Variants in FBXL13 observed in about 807,000 individuals in gnomAD.
The protein encoded by FBXL13 is F-box and leucine-rich repeat protein 13.
FBXL13 carries 67 observed loss-of-function variants against 83.6 expected under a neutral mutation model. The ratio of observed to expected loss-of-function variants is 0.80; its 90% CI spans 0.66 to 0.98. FBXL13 has a LOEUF of 0.98. Ranked by LOEUF, FBXL13 falls within the 50% of genes least tolerant of loss-of-function variation. The probability of loss-of-function intolerance (pLI) is 0.00; values close to 1 mark genes in which losing one functional copy is unlikely to be tolerated. For missense variants in FBXL13, 822 were observed against 866.5 expected, an observed-to-expected ratio of 0.95 and a Z score of 0.64; for synonymous variants, 272 against 299.5, an observed-to-expected ratio of 0.91 and a Z score of 0.95.
intron 8 of FBXL13, among the ~76,000 whole-genome samples, chr7:102,937,277 G>T (rs1319738477): frequency 2.1e-4 from 32 of 151,154 alleles, no homozygotes; most frequent in Admixed American, 2.1e-3. Flanking sequence ...AGGCAGGTGG[G>T]ACACTTGAGG....
At chr7:102,891,508 T>C (rs1187933572) in intron 11 of FBXL13, among the ~76,000 whole-genome samples, 1 of 152,232 alleles carries the variant, frequency 6.6e-6, no homozygotes, top group African/African-American at 2.4e-5. Flanking sequence ...TACAGCACAG[T>C]GCCTGGTGCA....
At chr7:102,974,832 TCATCTTCCCAGTCGC>T (rs1827235440) in intron 6 of FBXL13, among the ~76,000 whole-genome samples, 1 of 152,012 alleles carries the variant, frequency 6.6e-6, no homozygotes, top group Non-Finnish European at 1.5e-5. Context: ...TTCTCAGCCT[TCATCTTCCCAGTCGC>T]CATCTTCCCA....
intron 6 of FBXL13, among the ~76,000 whole-genome samples, chr7:103,012,119 T>C (rs765012484): frequency 6.6e-6 from 1 of 152,130 alleles, no homozygotes; most frequent in Non-Finnish European, 1.5e-5. Flanking sequence ...CTCACGCCTG[T>C]AATCCCAGCA....
At chr7:102,980,568 G>A (rs1828071020) in intron 6 of FBXL13, among the ~76,000 whole-genome samples, 2 of 152,184 alleles carry the variant, frequency 1.3e-5, no homozygotes, top group Admixed American at 1.3e-4. Flanking sequence ...ACGAGGTCAG[G>A]AGATTGAGAC....
intron 17 of FBXL13, among the ~76,000 whole-genome samples, chr7:102,854,413 C>T (rs1805728931): frequency 6.6e-6 from 1 of 152,092 alleles, no homozygotes; most frequent in South Asian, 2.1e-4. Flanking sequence ...GGAGATATAC[C>T]TAATGCTAGA....
intron 5 of FBXL13, among the ~76,000 whole-genome samples, chr7:103,027,186 C>G (rs1794019937): frequency 6.6e-6 from 1 of 152,016 alleles, no homozygotes; most frequent in Non-Finnish European, 1.5e-5. Flanking sequence ...ATTCCAGCTA[C>G]TCAGGAGGCT....
At chr7:102,889,390 C>A (rs1434304260) in intron 11 of FBXL13, among the ~76,000 whole-genome samples, 1 of 152,120 alleles carries the variant, frequency 6.6e-6, no homozygotes, top group East Asian at 1.9e-4. Flanking sequence ...GGTTTGAGAA[C>A]TGTTTTTTGT....
intron 16 of FBXL13, among the ~76,000 whole-genome samples, chr7:102,857,924 T>C (rs1176932977): frequency 6.6e-6 from 1 of 152,150 alleles, no homozygotes; most frequent in Non-Finnish European, 1.5e-5. Flanking sequence ...AGAACTATCA[T>C]ATGATCCAGC....
chr7:102,937,471 C>T (rs1411846478), intron 8 of FBXL13, among the ~76,000 whole-genome samples: 1 of 146,300 alleles, frequency 6.8e-6, no homozygotes, highest in East Asian at 2.0e-4. Context: ...CACGCCACTG[C>T]ACTCCAGCCT....
chr7:103,074,776 A>C (rs1238500373), upstream of FBXL13: 2 of 1,289,300 alleles, frequency 1.6e-6, no homozygotes, highest in Non-Finnish European at 2.0e-6. Flanking sequence ...GCCATGGCCC[A>C]AGGCCTGACG....
At chr7:102,941,570 C>G (rs182328379) in intron 8 of FBXL13, among the ~76,000 whole-genome samples, 1 of 152,106 alleles carries the variant, frequency 6.6e-6, no homozygotes, top group Non-Finnish European at 1.5e-5. Context: ...GATAAATAGA[C>G]TCTGTCTAGG....
rs559481355 is a variant in FBXL13, at chr7:102,894,194, T to A, written c.1009-9882A>T. On this transcript the variant is annotated intron_variant, in intron 11 of 19. Coordinates refer to ENST00000313221, the Ensembl canonical transcript of FBXL13. ...AGACCTTCCATGATCTCTGCTTCTC[T>A]GAAAGGAGAAGGTTGGAATTTATGT... is the stretch of plus-strand genomic sequence containing the variant. Among the ~76,000 whole-genome samples, 11 of 152,264 alleles carry A rather than the reference T, an allele frequency of 7.2e-5. No individual in the cohort carries two copies. The South Asian group carries it at 2.3e-3, about 32-fold the overall frequency.
intron 8 of FBXL13, among the ~76,000 whole-genome samples, 169 bp from the exon 10 acceptor site, chr7:102,932,102 G>T (rs570477755): frequency 5.7e-4 from 86 of 152,176 alleles, no homozygotes; most frequent in Middle Eastern, 3.4e-3. Flanking sequence ...GCTTTTTTGG[G>T]CTTCAGAATT....
chr7:102,879,439 A>ATGTG (rs139051886), intron 14 of FBXL13, among the ~76,000 whole-genome samples: 18,808 of 144,626 alleles, frequency 0.13, 1,359 homozygotes, highest in East Asian at 0.33. Context: ...GCAGTTAAGG[A>ATGTG]TGTGTGTGTG....
intron 11 of FBXL13, among the ~76,000 whole-genome samples, chr7:102,905,184 G>GA (rs1310473634): frequency 6.6e-6 from 1 of 152,214 alleles, no homozygotes; most frequent in Admixed American, 6.5e-5. Flanking sequence ...CTGTCTGGAA[G>GA]ATCTGTCCAA....
intron 18 of FBXL13, among the ~76,000 whole-genome samples, chr7:102,826,741 A>ATGTATG (rs1562911150): frequency 1.6e-5 from 1 of 64,042 alleles, no homozygotes; most frequent in Non-Finnish European, 2.9e-5. Flanking sequence ...ATATATATAT[A>ATGTATG]TATATATATA....
intron 11 of FBXL13, among the ~76,000 whole-genome samples, chr7:102,899,418 CTT>C (rs1812693091): frequency 6.6e-6 from 1 of 152,176 alleles, no homozygotes; most frequent in Admixed American, 6.5e-5. Context: ...TCTTGGTAGG[CTT>C]CTTTGTGAAG....
intron 8 of FBXL13, among the ~76,000 whole-genome samples, chr7:102,950,255 A>G (rs760949905): frequency 6.6e-6 from 1 of 152,248 alleles, no homozygotes; most frequent in Non-Finnish European, 1.5e-5. Flanking sequence ...ATGTAAATTA[A>G]AACAGCAATG....
chr7:102,957,523 A>G (rs974732057), intron 8 of FBXL13, among the ~76,000 whole-genome samples: 1 of 152,336 alleles, frequency 6.6e-6, no homozygotes, highest in East Asian at 1.9e-4. Flanking sequence ...ACAAAAGCCA[A>G]AATTGACAAA....
Sources: allele counts gnomAD v4.1 joint callset (sites outside exome capture counted in the v4.1 genomes callset), GRCh38; gene constraint gnomAD v4.1.1; transcripts MANE v1.5; gene names NCBI Gene and HGNC (gene_info 2026-07-23, HGNC 2026-07-21).